The following TMEM128 variants were observed in gnomAD, a reference collection of about 807,000 sequenced individuals.
TMEM128 encodes the protein transmembrane protein 128.
A neutral mutation model predicts 19.7 loss-of-function variants in TMEM128; 16 were observed. The observed-to-expected ratio is 0.81, with a 90% confidence interval of 0.55 to 1.23. The LOEUF (loss-of-function observed/expected upper bound fraction) is 1.23, where lower values mean the gene tolerates loss of function less well. Ranked by LOEUF, TMEM128 falls within the 50% of genes most tolerant of loss-of-function variation. TMEM128 has a pLI of 0.00. For missense variants in TMEM128, 237 were observed against 200.8 expected (o/e 1.18, Z -1.09); for synonymous variants, 98 against 75.8 (o/e 1.29, Z -1.52).
chr4:4,248,025 C>T (rs1718267504), intron 1 of TMEM128, 81 bp downstream of exon 1: 12 of 1,509,872 alleles, frequency 7.9e-6, no homozygotes, highest in Non-Finnish European at 1.1e-5. Flanking sequence ...TCCTTCCAGA[C>T]TGGGCCAGGG....
At chr4:4,243,409 T>G (rs115752024) in intron 2 of TMEM128, among the ~76,000 whole-genome samples, 1 of 152,298 alleles carries the variant, frequency 6.6e-6, no homozygotes, top group African/African-American at 2.4e-5. Flanking sequence ...GGACCTGCTC[T>G]CCCATCTTTG....
In TMEM128 at chr4:4,237,885, A is replaced by T. The variant is rs147522768; in HGVS notation, c.449T>A (p.Leu150Ter). 1.2e-6 allele frequency: 2 copies of T among 1,608,056 alleles called. No individual in the cohort carries two copies. Among genetic ancestry groups the T allele is most frequent in the Admixed American group, 3.4e-5 (2 of 59,160 alleles). Residue 150 changes from leucine (L) to a stop codon, truncating the protein, a stop_gained, in exon 4 of 5, where the codon TTG (leucine) becomes TAG (stop). Coordinates refer to ENST00000382753, the MANE Select transcript of TMEM128 (RefSeq NM_001297551.2). LOFTEE classifies it high-confidence loss of function. ...HVWSFFTPLL[L>*]FTQFMGVVMF... is the part of the protein sequence containing the mutation. ...GACAACCCCCATAAACTGGGTAAAC[A>T]ACAACAATGGAGTGAAAAACGACCA...
chr4:4,247,539 C>A, intron 1 of TMEM128: 2 of 1,612,642 alleles, frequency 1.2e-6, no homozygotes, highest in Non-Finnish European at 8.5e-7. Flanking sequence ...CCACCACTTA[C>A]AATTTCTACT....
chr4:4,242,787 C>A (rs895805744), intron 2 of TMEM128, among the ~76,000 whole-genome samples: 1 of 151,820 alleles, frequency 6.6e-6, no homozygotes, highest in African/African-American at 2.4e-5. Flanking sequence ...CCAAAGTGCT[C>A]GGATTACAGG....
intron 2 of TMEM128, among the ~76,000 whole-genome samples, chr4:4,240,785 T>C (rs1560218265): frequency 6.6e-6 from 1 of 152,254 alleles, no homozygotes; most frequent in East Asian, 1.9e-4. Flanking sequence ...TCTTTAAAAA[T>C]ACAAGGAAGA....
intron 1 of TMEM128, 148 bp downstream of exon 1, chr4:4,247,958 G>T (rs1431254352): frequency 7.0e-7 from 1 of 1,436,434 alleles, no homozygotes; most frequent in Non-Finnish European, 9.1e-7. Flanking sequence ...ACAGCACTCC[G>T]CGATTCTAAG....
chr4:4,247,983 T>G, intron 1 of TMEM128, 123 bp downstream of exon 1: 3 of 1,454,398 alleles, frequency 2.1e-6, no homozygotes, highest in Non-Finnish European at 2.7e-6. Flanking sequence ...TTCCCTGACA[T>G]TAAATATTCG....
chr4:4,247,734 T>C, intron 1 of TMEM128: 1 of 1,581,902 alleles, frequency 6.3e-7, no homozygotes, highest in African/African-American at 1.3e-5. Context: ...AGCTTTCTGC[T>C]GACGGGCAAG....
chr4:4,248,120 C>G lies in TMEM128; in HGVS notation c.83G>C (p.Gly28Ala). The G allele has an allele frequency of 6.5e-7, 1 of 1,536,334 alleles. No homozygotes were observed. Among genetic ancestry groups the G allele is most frequent in the Non-Finnish European group, 8.7e-7 (1 of 1,144,192 alleles). ...PDAEAQLDRE[G>A]DAGPETSTAV... ...GCGCGCCTCACCCGGCCCGGCGTCA[C>G]CCTCGCGGTCCAGCTGGGCCTCGGC... Residue 28 changes from glycine (G) to alanine (A), a missense_variant, in exon 1 of 5, where the codon GGT (glycine) becomes GCT (alanine). Transcript: ENST00000382753.
At chr4:4,238,568 C>T (rs1037396228) in intron 3 of TMEM128, among the ~76,000 whole-genome samples, 5 of 152,072 alleles carry the variant, frequency 3.3e-5, no homozygotes, top group African/African-American at 1.2e-4. Context: ...AAAAAATTAA[C>T]ATTTCTGGAC....
intron 2 of TMEM128, among the ~76,000 whole-genome samples, chr4:4,241,813 CTG>C (rs1428121842): frequency 6.6e-6 from 1 of 152,220 alleles, no homozygotes; most frequent in Non-Finnish European, 1.5e-5. Flanking sequence ...CTCAGAATAG[CTG>C]TGAGAATTAA....
intron 2 of TMEM128, among the ~76,000 whole-genome samples, chr4:4,243,784 T>C (rs1718057556): frequency 2.0e-5 from 3 of 152,098 alleles, no homozygotes; most frequent in African/African-American, 7.2e-5. Context: ...ACACAGCAGT[T>C]ATGTGGTCCT....
intron 2 of TMEM128, among the ~76,000 whole-genome samples, chr4:4,244,706 T>C (rs4018326): frequency 0.31 from 46,775 of 151,826 alleles, 7,797 homozygotes; most frequent in East Asian, 0.44. Flanking sequence ...CTAGAGACCT[T>C]TTCCTGTGGG....
At chr4:4,247,455 A>G (rs1406912804) in intron 1 of TMEM128, 1 of 1,102,178 alleles carries the variant, frequency 9.1e-7, no homozygotes, top group East Asian at 2.6e-5. Context: ...GTTTTAAAAC[A>G]TATGAGATAA....
At chr4:4,246,666 T>C (rs6446549) in intron 1 of TMEM128, among the ~76,000 whole-genome samples, 47,450 of 152,116 alleles carry the variant, frequency 0.31, 7,993 homozygotes, top group East Asian at 0.44. Context: ...GGAAAGTAAT[T>C]AGTCTTGTTA....
chr4:4,244,790 CAGA>C (rs1266631156), intron 2 of TMEM128, among the ~76,000 whole-genome samples: 7 of 152,160 alleles, frequency 4.6e-5, no homozygotes, highest in South Asian at 2.1e-4. Flanking sequence ...CGACTTGCAG[CAGA>C]AGAAGGTGCT....
chr4:4,241,799 T>C (rs1358635503), intron 2 of TMEM128, among the ~76,000 whole-genome samples: 2 of 152,358 alleles, frequency 1.3e-5, no homozygotes, highest in Admixed American at 6.5e-5. Flanking sequence ...TTGACAGTAC[T>C]TAACTCAGAA....
chr4:4,247,483 G>A (rs1177931680), intron 1 of TMEM128: 1 of 1,347,844 alleles, frequency 7.4e-7, no homozygotes. Flanking sequence ...CCAAAATGAA[G>A]TATCTGTCTC....
chr4:4,247,793 A>C (rs967143311), intron 1 of TMEM128: 3 of 1,465,322 alleles, frequency 2.0e-6, no homozygotes, highest in African/African-American at 2.8e-5. Flanking sequence ...GAAGTGAAAC[A>C]CTGCGCACAT....
Sources: gnomAD v4.1 joint callset for allele counts (sites outside exome capture counted in the v4.1 genomes callset) on GRCh38, gnomAD v4.1.1 for gene constraint, MANE v1.5 for transcripts, NCBI Gene and HGNC (gene_info 2026-07-23, HGNC 2026-07-21) for gene names.